Variants in ADAM32 observed in about 807,000 individuals in gnomAD.
ADAM32 encodes disintegrin and metalloproteinase domain-containing protein 32.
Under a neutral mutation model 114.9 loss-of-function variants are expected in ADAM32, and 89 were observed. That is an observed-to-expected ratio of 0.77 (90% confidence interval 0.65 to 0.92). The LOEUF (loss-of-function observed/expected upper bound fraction) is 0.92. Ranked by LOEUF, ADAM32 falls within the 40% of genes least tolerant of loss-of-function variation. The probability of loss-of-function intolerance (pLI) is 0.00; values close to 1 mark genes in which losing one functional copy is unlikely to be tolerated. For missense variants in ADAM32, 870 were observed against 932.8 expected (o/e 0.93, Z 0.88); for synonymous variants, 285 against 307.5 (o/e 0.93, Z 0.77).
At chr8:39,211,349 G>A in intron 12 of ADAM32, 25 bp downstream of exon 12, 2 of 1,426,744 alleles carry the variant, frequency 1.4e-6, no homozygotes, top group East Asian at 2.7e-5. Flanking sequence ...TAGGAAAATT[G>A]ATTAATAAAT....
At chr8:39,155,250 T>C (rs1015844940) in intron 6 of ADAM32, among the ~76,000 whole-genome samples, 2 of 152,162 alleles carry the variant, frequency 1.3e-5, no homozygotes, top group African/African-American at 4.8e-5. Context: ...GAGAAAGAAA[T>C]AAAGGATATT....
At chr8:39,122,321 A>G (rs1418714752) in intron 2 of ADAM32, among the ~76,000 whole-genome samples, 2 of 152,150 alleles carry the variant, frequency 1.3e-5, no homozygotes, top group Non-Finnish European at 2.9e-5. Flanking sequence ...TGGAGATAGG[A>G]CCTTTAAGGA....
rs369997258 is a variant in ADAM32 at position 39,151,364 on chromosome 8, C to A, written c.354-13C>A. On this transcript the variant is annotated splice_polypyrimidine_tract_variant and intron_variant, in intron 5 of 24. Transcript: ENST00000379907. ...GATTAAAAGCACTTAAAATTGTATT[C>A]ATAATTTCACAGAGGAATACTGCAA... is the stretch of plus-strand genomic sequence containing the variant. The A allele has an allele frequency of 1.0e-4, 159 of 1,557,434 alleles. No homozygotes were observed. The highest frequency in any genetic ancestry group is 1.3e-4 in the Non-Finnish European group (155 of 1,157,508).
intron 12 of ADAM32, among the ~76,000 whole-genome samples, chr8:39,217,246 C>T (rs1362408465): frequency 6.6e-6 from 1 of 151,998 alleles, no homozygotes; most frequent in Non-Finnish European, 1.5e-5. Flanking sequence ...TATTGAATCT[C>T]CATTGTATAT....
chr8:39,120,287 T>C (rs4419781), intron 2 of ADAM32, among the ~76,000 whole-genome samples: 73,027 of 151,996 alleles, frequency 0.48, 18,512 homozygotes, highest in South Asian at 0.56. Flanking sequence ...AGAAGACTGG[T>C]GAAGTACATG....
intron 11 of ADAM32, among the ~76,000 whole-genome samples, chr8:39,194,777 A>G (rs1041220310): frequency 6.6e-6 from 1 of 152,178 alleles, no homozygotes; most frequent in African/African-American, 2.4e-5. Context: ...GACTTCAGGT[A>G]CGACAGTTCC....
chr8:39,232,132 G>A lies in ADAM32; in HGVS notation c.1631G>A (p.Trp544Ter), dbSNP rs953022194. 4 of 1,583,508 alleles carry A rather than the reference G, an allele frequency of 2.5e-6. No homozygotes were observed. The highest frequency in any genetic ancestry group is 4.5e-5 in the East Asian group (2 of 44,644). ...AATAACAAATATGTGTTCTGTGGAT[G>A]GAGGTATGCTCTACAAATATAAATG... ...DRNNKYVFCG[W>*]RNLICGRLVC... Residue 544 changes from tryptophan to a stop codon, truncating the protein, a stop_gained, in exon 15 of 25, where the codon TGG becomes TAG. Transcript: ENST00000379907. LOFTEE classifies it high-confidence loss of function.
intron 14 of ADAM32, 130 bp downstream of exon 14, chr8:39,223,368 T>C (rs915437493): frequency 9.2e-6 from 4 of 435,192 alleles, no homozygotes; most frequent in African/African-American, 8.2e-5. Flanking sequence ...ATATTGTTTA[T>C]ATATATTTTA....
At chr8:39,252,373 A>C (rs1051659431) in intron 17 of ADAM32, among the ~76,000 whole-genome samples, 1 of 151,596 alleles carries the variant, frequency 6.6e-6, no homozygotes, top group African/African-American at 2.4e-5. Flanking sequence ...ACAACAAATC[A>C]AAACGGAAAT....
intron 10 of ADAM32, among the ~76,000 whole-genome samples, chr8:39,176,976 A>G (rs1462199994): frequency 6.6e-6 from 1 of 151,698 alleles, no homozygotes; most frequent in East Asian, 1.9e-4. Flanking sequence ...TTGTTGGTTT[A>G]AAGTCTGTTT....
At chr8:39,117,488 T>A (rs1344187369) in intron 1 of ADAM32, among the ~76,000 whole-genome samples, 1 of 152,078 alleles carries the variant, frequency 6.6e-6, no homozygotes, top group Non-Finnish European at 1.5e-5. Flanking sequence ...ATCTTCTGAC[T>A]TTATATTTAA....
chr8:39,181,413 A>G (rs1467117160), intron 10 of ADAM32, among the ~76,000 whole-genome samples: 1 of 152,104 alleles, frequency 6.6e-6, no homozygotes, highest in Non-Finnish European at 1.5e-5. Context: ...CTCTGAACAC[A>G]TCCAAACGTC....
At chr8:39,198,326 TACTC>T (rs1487548159) in intron 11 of ADAM32, among the ~76,000 whole-genome samples, 1 of 152,210 alleles carries the variant, frequency 6.6e-6, no homozygotes, top group Non-Finnish European at 1.5e-5. Context: ...AATTAGGACT[TACTC>T]CTGTCATTTG....
intron 11 of ADAM32, among the ~76,000 whole-genome samples, chr8:39,201,785 A>G (rs6474116): frequency 0.71 from 108,180 of 152,004 alleles, 38,687 homozygotes; most frequent in Middle Eastern, 0.79. Flanking sequence ...AGCTCTTATT[A>G]TTTTGAGATA....
At chr8:39,227,970 G>T (rs1167035150) in intron 14 of ADAM32, among the ~76,000 whole-genome samples, 3 of 152,296 alleles carry the variant, frequency 2.0e-5, no homozygotes, top group Admixed American at 1.3e-4. Context: ...TGGTATCCAT[G>T]GCTGAGAGAC....
intron 3 of ADAM32, among the ~76,000 whole-genome samples, chr8:39,138,332 C>A (rs1207739039): frequency 2.7e-5 from 4 of 150,550 alleles, no homozygotes; most frequent in Non-Finnish European, 5.9e-5. Flanking sequence ...CAGTCCCCCA[C>A]CCCCCAACAG....
intron 1 of ADAM32, among the ~76,000 whole-genome samples, chr8:39,110,005 T>C (rs972158265): frequency 2.6e-5 from 4 of 152,038 alleles, no homozygotes; most frequent in Admixed American, 6.6e-5. Flanking sequence ...ATGGACTTTT[T>C]TTTTACTTAA....
chr8:39,137,399 TA>T lies in ADAM32; in HGVS notation c.200+682del, dbSNP rs563544369. 1.4e-4 allele frequency among the ~76,000 whole-genome samples: 21 copies of T among 152,272 alleles called. No individual in the cohort carries two copies. In the East Asian group the frequency reaches 4.1e-3, roughly 29 times the overall value. On this transcript the variant is annotated intron_variant, in intron 3 of 24. Coordinates refer to ENST00000379907, the MANE Select transcript of ADAM32 (RefSeq NM_145004.7). Reference sequence around the variant, plus strand: ...CAGAGAAAAAAGAGGCTTACATGAATATTTTTGAAGAAAGAGAAAACAAAGT... The same window carrying T: ...CAGAGAAAAAAGAGGCTTACATGAATTTTTTGAAGAAAGAGAAAACAAAGT...
intron 6 of ADAM32, among the ~76,000 whole-genome samples, chr8:39,153,138 GTC>G (rs1262935496): frequency 6.6e-6 from 1 of 152,214 alleles, no homozygotes; most frequent in African/African-American, 2.4e-5. Flanking sequence ...ATTATTTTCT[GTC>G]TCTGTGTAGA....
Sources: allele counts gnomAD v4.1 joint callset (sites outside exome capture counted in the v4.1 genomes callset), GRCh38; gene constraint gnomAD v4.1.1; transcripts MANE v1.5; gene names NCBI Gene and HGNC (gene_info 2026-07-23, HGNC 2026-07-21).